CDH9: variants seen among roughly 807,000 people sequenced by gnomAD.
The protein encoded by CDH9 is cadherin-9.
In CDH9, 28 loss-of-function variants were observed where a neutral mutation model predicts 70.9. The ratio of observed to expected loss-of-function variants is 0.40; its 90% CI spans 0.29 to 0.54. CDH9 has a LOEUF of 0.54. Ranked by LOEUF, CDH9 falls within the 20% of genes least tolerant of loss-of-function variation. CDH9 has a pLI of 0.59. For missense variants in CDH9, 874 were observed against 984.4 expected (o/e 0.89, Z 1.50); for synonymous variants, 409 against 343.1 (o/e 1.19, Z -2.12).
In CDH9 at chr5:27,028,961, TAA is replaced by T. The variant is rs368825580; in HGVS notation, c.-50+9500_-50+9501del. On this transcript the variant is annotated intron_variant, in intron 1 of 11. Transcript: ENST00000231021. ...AGGAATTGTTGGCCACGTGAACAAC[TAA>T]AAGATTACTTAAATATTATGGCAAA... Among the ~76,000 whole-genome samples, 25 of 152,076 alleles carry T rather than the reference TAA, an allele frequency of 1.6e-4. No homozygotes were observed. The East Asian group carries it at 3.9e-3, about 24-fold the overall frequency.
chr5:27,035,040 C>T (rs910950210), intron 1 of CDH9, among the ~76,000 whole-genome samples: 1 of 151,128 alleles, frequency 6.6e-6, no homozygotes, highest in Non-Finnish European at 1.5e-5. Flanking sequence ...ATCTATCTAT[C>T]TAATCTATCA....
At chr5:26,898,161 A>G (rs1000440914) in intron 7 of CDH9, among the ~76,000 whole-genome samples, 1 of 152,158 alleles carries the variant, frequency 6.6e-6, no homozygotes, top group East Asian at 1.9e-4. Flanking sequence ...TCACTGCTCA[A>G]AGAAATAAGG....
chr5:27,035,887 G>A (rs948287675), intron 1 of CDH9, among the ~76,000 whole-genome samples: 1 of 151,670 alleles, frequency 6.6e-6, no homozygotes, highest in Admixed American at 6.6e-5. Context: ...TTATATTGAA[G>A]CATCTGCATT....
chr5:26,963,247 G>C (rs923378387), intron 2 of CDH9, among the ~76,000 whole-genome samples: 3 of 152,140 alleles, frequency 2.0e-5, no homozygotes, highest in African/African-American at 7.2e-5. Context: ...AGGCAGTGCA[G>C]TAAAAACAGT....
chr5:26,923,413 A>G (rs1741281448), intron 2 of CDH9, among the ~76,000 whole-genome samples: 1 of 152,020 alleles, frequency 6.6e-6, no homozygotes, highest in South Asian at 2.1e-4. Context: ...TAGCACACCT[A>G]TATATACAAA....
intron 1 of CDH9, among the ~76,000 whole-genome samples, chr5:27,019,900 T>C (rs1201895336): frequency 6.6e-6 from 1 of 151,902 alleles, no homozygotes; most frequent in African/African-American, 2.4e-5. Flanking sequence ...AAGTTTTTCA[T>C]ATTATTGAGT....
At chr5:27,011,274 T>G (rs756533378) in intron 1 of CDH9, among the ~76,000 whole-genome samples, 26 of 152,200 alleles carry the variant, frequency 1.7e-4, no homozygotes, top group Non-Finnish European at 2.8e-4. Context: ...CCTAGGAATC[T>G]GACCTTACGT....
intron 2 of CDH9, among the ~76,000 whole-genome samples, chr5:26,942,315 C>T (rs1741676716): frequency 6.6e-6 from 1 of 152,166 alleles, no homozygotes; most frequent in African/African-American, 2.4e-5. Flanking sequence ...CCTCCCACAA[C>T]ACATGGGGAT....
At chr5:27,013,557 T>C (rs768195218) in intron 1 of CDH9, among the ~76,000 whole-genome samples, 2 of 151,836 alleles carry the variant, frequency 1.3e-5, no homozygotes, top group Non-Finnish European at 2.9e-5. Flanking sequence ...GGAAAAAGGG[T>C]TTATGAGCTT....
chr5:26,959,914 G>A (rs1044051277), intron 2 of CDH9, among the ~76,000 whole-genome samples: 1 of 151,842 alleles, frequency 6.6e-6, no homozygotes, highest in African/African-American at 2.4e-5. Context: ...TTTCTTTTGG[G>A]GTGATGAAAA....
At chr5:26,925,567 G>T (rs1198419604) in intron 2 of CDH9, among the ~76,000 whole-genome samples, 2 of 152,048 alleles carry the variant, frequency 1.3e-5, no homozygotes, top group Non-Finnish European at 2.9e-5. Context: ...GATCCCATTT[G>T]TCTATTTTGG....
chr5:26,989,438 C>A (rs941995658), intron 1 of CDH9, among the ~76,000 whole-genome samples: 10 of 151,884 alleles, frequency 6.6e-5, no homozygotes, highest in African/African-American at 2.2e-4. Context: ...AGCAAAGAAG[C>A]AGTTCGGCAT....
intron 1 of CDH9, among the ~76,000 whole-genome samples, chr5:27,012,278 GTAT>G (rs910292236): frequency 8.6e-5 from 13 of 151,768 alleles, no homozygotes; most frequent in African/African-American, 2.9e-4. Flanking sequence ...TATTGTTACT[GTAT>G]TATTATTATT....
intron 1 of CDH9, among the ~76,000 whole-genome samples, chr5:27,010,365 G>A (rs570036697): frequency 6.6e-6 from 1 of 152,072 alleles, no homozygotes; most frequent in Non-Finnish European, 1.5e-5. Context: ...ACACAAAGGT[G>A]TATCCTTATT....
At chr5:26,984,810 G>C (rs1025383010) in intron 2 of CDH9, among the ~76,000 whole-genome samples, 1 of 152,032 alleles carries the variant, frequency 6.6e-6, no homozygotes, top group African/African-American at 2.4e-5. Flanking sequence ...AACAATATTT[G>C]TAAATCTCTG....
At chr5:26,973,513 C>G (rs1051310215) in intron 2 of CDH9, among the ~76,000 whole-genome samples, 2 of 151,848 alleles carry the variant, frequency 1.3e-5, no homozygotes, top group African/African-American at 4.8e-5. Context: ...GATGTTGTTA[C>G]TTGAAATTCA....
rs772941002 is a variant in CDH9, at chr5:26,885,786, G to A, written c.1710C>T (p.Ile570=). 1 of 1,613,920 alleles carries A rather than the reference G, an allele frequency of 6.2e-7. No homozygotes were observed. The highest frequency in any genetic ancestry group is 8.5e-7 in the Non-Finnish European group (1 of 1,179,936). ...KMSTYLLPIL[I]FDNDYPIQSS... ...TTTGAATTGGATAATCGTTGTCAAA[G>A]ATTAAAATCGGCAATAAGTAGGTGC... The change falls in exon 11 of 12, where the codon ATC becomes ATT. Residue 570 remains isoleucine, a synonymous_variant. Transcript: ENST00000231021.
chr5:26,995,848 T>C (rs1742655832), intron 1 of CDH9, among the ~76,000 whole-genome samples: 2 of 152,094 alleles, frequency 1.3e-5, no homozygotes, highest in African/African-American at 2.4e-5. Context: ...AAGTACAATG[T>C]TTTAAATGTG....
At chr5:26,889,672 C>G (rs1740622183) in intron 9 of CDH9, among the ~76,000 whole-genome samples, 164 bp downstream of exon 9, 1 of 133,524 alleles carries the variant, frequency 7.5e-6, no homozygotes, top group Non-Finnish European at 1.7e-5. Context: ...TTTTAAATCA[C>G]CTTTTTAAAA....
Sources: gnomAD v4.1 joint callset for allele counts (sites outside exome capture counted in the v4.1 genomes callset) on GRCh38, gnomAD v4.1.1 for gene constraint, MANE v1.5 for transcripts, NCBI Gene and HGNC (gene_info 2026-07-23, HGNC 2026-07-21) for gene names.